ADAMTS12: variants seen among roughly 807,000 people sequenced by gnomAD.
The protein encoded by ADAMTS12 is A disintegrin and metalloproteinase with thrombospondin motifs 12.
Under a neutral mutation model 167.8 loss-of-function variants are expected in ADAMTS12, and 118 were observed. The ratio of observed to expected loss-of-function variants is 0.70; its 90% CI spans 0.61 to 0.82. The LOEUF is 0.82. Ranked by LOEUF, ADAMTS12 falls within the 40% of genes least tolerant of loss-of-function variation. The pLI is 0.00. For synonymous variants in ADAMTS12, 704 were observed against 716.9 expected (o/e 0.98, Z 0.29); for missense variants, 1,916 against 1,998.8 (o/e 0.96, Z 0.79).
At chr5:33,727,830 A>C (rs977106799) in intron 3 of ADAMTS12, among the ~76,000 whole-genome samples, 1 of 152,160 alleles carries the variant, frequency 6.6e-6, no homozygotes, top group Non-Finnish European at 1.5e-5. Flanking sequence ...CCTGGTATTT[A>C]TCGGTTTGCC....
intron 2 of ADAMTS12, among the ~76,000 whole-genome samples, chr5:33,842,206 T>A (rs1304022708): frequency 1.3e-5 from 2 of 152,234 alleles, no homozygotes; most frequent in Non-Finnish European, 2.9e-5. Flanking sequence ...CATCTGTAAC[T>A]CATAAGAGAA....
chr5:33,577,013 GT>G lies in ADAMTS12; in HGVS notation c.3012del (p.Lys1004AsnfsTer16). 6.2e-7 allele frequency: 1 copy of G among 1,614,170 alleles called. No homozygotes were observed. Among genetic ancestry groups the G allele is most frequent in the Non-Finnish European group, 8.5e-7 (1 of 1,180,024 alleles). Reference protein sequence around the residue: ...QQCPSSRRVLKPNKGTISNGK... With the variant: ...QQCPSSRRVLXPNKGTISNGK... ...CCATTGGAAATAGTGCCTTTGTTTG[GT>G]TTCAGAACTCTCCGGCTAGAAGGGC... On this transcript the variant is annotated frameshift_variant, in exon 19 of 24. Coordinates refer to ENST00000504830, the MANE Select transcript of ADAMTS12 (RefSeq NM_030955.4). LOFTEE classifies it high-confidence loss of function.
At position 33,559,787 on chromosome 5, in the gene ADAMTS12, C is replaced by T. The variant is rs10036051; in HGVS notation, c.4125+1240G>A. On this transcript the variant is annotated intron_variant, in intron 20 of 23. Transcript: ENST00000504830. ...TCCCAGCTACCCGGAGGTTAAGGCA[C>T]GAGAATCGCTTGAACCCGGGAGGCA... 6.9e-3 allele frequency among the ~76,000 whole-genome samples: 1,053 copies of T among 152,044 alleles called. 12 individuals are homozygous for T. Among genetic ancestry groups the T allele is most frequent in the African/African-American group, 0.024 (984 of 41,454 alleles).
intron 2 of ADAMTS12, among the ~76,000 whole-genome samples, chr5:33,842,198 T>C (rs1451258386): frequency 6.6e-6 from 1 of 152,220 alleles, no homozygotes; most frequent in African/African-American, 2.4e-5. Context: ...GAAACGTTCA[T>C]CTGTAACTCA....
At chr5:33,643,527 A>C (rs903258148) in intron 9 of ADAMTS12, 57 bp from the exon 10 acceptor site, 1 of 1,510,100 alleles carries the variant, frequency 6.6e-7, no homozygotes, top group African/African-American at 1.4e-5. Flanking sequence ...AAGCATTTCT[A>C]TAGTTACAGT....
At chr5:33,838,018 T>C (rs1420978067) in intron 2 of ADAMTS12, among the ~76,000 whole-genome samples, 2 of 152,152 alleles carry the variant, frequency 1.3e-5, no homozygotes, top group African/African-American at 4.8e-5. Context: ...ATATTTTTTT[T>C]TAGTGAGAAC....
In ADAMTS12 at chr5:33,601,601, T is replaced by A. The variant is rs142385421; in HGVS notation, c.2528-5541A>T. Among the ~76,000 whole-genome samples the A allele has an allele frequency of 2.4e-3, 358 of 152,340 alleles. 2 individuals are homozygous for A. The highest frequency in any genetic ancestry group is 8.1e-3 in the African/African-American group (338 of 41,584). On this transcript the variant is annotated intron_variant, in intron 16 of 23. Coordinates refer to ENST00000504830, the MANE Select transcript of ADAMTS12 (RefSeq NM_030955.4). The stretch of plus-strand genomic sequence containing the variant: ...TACTTCTGTGATGTAAACTCCTTCC[T>A]ACAAACAACTAGACCCTTGTTACAC...
chr5:33,651,103 T>C (rs765364698), intron 7 of ADAMTS12, among the ~76,000 whole-genome samples: 1 of 152,166 alleles, frequency 6.6e-6, no homozygotes, highest in Non-Finnish European at 1.5e-5. Context: ...ACAAAGCTCT[T>C]ACCACACACC....
chr5:33,821,921 A>T (rs1385666613), intron 2 of ADAMTS12, among the ~76,000 whole-genome samples: 1 of 152,182 alleles, frequency 6.6e-6, no homozygotes, highest in East Asian at 1.9e-4. Context: ...TGAATTTTAG[A>T]TTTCCTGAAA....
At chr5:33,734,753 G>T (rs971561007) in intron 3 of ADAMTS12, among the ~76,000 whole-genome samples, 4 of 152,306 alleles carry the variant, frequency 2.6e-5, no homozygotes, top group South Asian at 2.1e-4. Context: ...AACGGTGGGT[G>T]GGGGAGGAGG....
chr5:33,594,257 T>TA (rs1418088499), intron 17 of ADAMTS12, among the ~76,000 whole-genome samples: 2 of 152,208 alleles, frequency 1.3e-5, no homozygotes, highest in Non-Finnish European at 2.9e-5. Context: ...TGTAGCCACA[T>TA]AAGACATGCC....
At chr5:33,679,685 G>T (rs911923356) in intron 5 of ADAMTS12, among the ~76,000 whole-genome samples, 4 of 152,110 alleles carry the variant, frequency 2.6e-5, no homozygotes, top group Admixed American at 2.0e-4. Context: ...ATCTCAACTT[G>T]AAATGTGCTA....
Position 33,525,710 on chromosome 5 carries a change from G to A in ADAMTS12, c.*1478C>T, listed in dbSNP as rs1435865566. The A allele has an allele frequency of 6.6e-6, 1 of 152,166 alleles. No individual in the cohort carries two copies. The highest frequency in any genetic ancestry group is 1.9e-4 in the East Asian group (1 of 5,200). 9.4% of individuals were successfully genotyped at this position (152,166 alleles called of 1,614,324 possible). On this transcript the variant is annotated 3_prime_UTR_variant, in exon 24 of 24. Transcript: ENST00000504830. ...CATGAGGAGTATTAAGTGTATCTGT[G>A]CATGAGTCAGAAAATATGCTGCCCA... is the stretch of plus-strand genomic sequence containing the variant.
intron 22 of ADAMTS12, 89 bp downstream of exon 22, chr5:33,545,970 C>G: frequency 2.7e-6 from 4 of 1,474,732 alleles, no homozygotes; most frequent in Non-Finnish European, 3.6e-6. Context: ...TGTAACAAAC[C>G]TGCACGTTGT....
intron 2 of ADAMTS12, among the ~76,000 whole-genome samples, chr5:33,774,972 C>T (rs117173477): frequency 2.6e-5 from 4 of 152,148 alleles, no homozygotes; most frequent in East Asian, 1.9e-4. Context: ...GGGATGAATG[C>T]GGTAAAAATA....
chr5:33,722,523 CT>C (rs1429659679), intron 3 of ADAMTS12, among the ~76,000 whole-genome samples: 1 of 152,162 alleles, frequency 6.6e-6, no homozygotes, highest in East Asian at 1.9e-4. Flanking sequence ...AGAGGTGAGG[CT>C]GAAATGTGAA....
chr5:33,689,282 A>T (rs1430702194), intron 3 of ADAMTS12, among the ~76,000 whole-genome samples: 1 of 152,240 alleles, frequency 6.6e-6, no homozygotes, highest in Non-Finnish European at 1.5e-5. Flanking sequence ...ATAGCCAGTA[A>T]GCAGCAGGAC....
At chr5:33,678,919 G>C (rs1742013822) in intron 5 of ADAMTS12, among the ~76,000 whole-genome samples, 1 of 152,142 alleles carries the variant, frequency 6.6e-6, no homozygotes, top group Admixed American at 6.5e-5. Context: ...GATATAAATG[G>C]AGATGGTCAG....
chr5:33,709,845 AG>A (rs769043204), intron 3 of ADAMTS12, among the ~76,000 whole-genome samples: 3 of 152,218 alleles, frequency 2.0e-5, no homozygotes, highest in Non-Finnish European at 2.9e-5. Context: ...CATGTATTCC[AG>A]AAATTAAAAT....
Sources: allele counts gnomAD v4.1 joint callset (sites outside exome capture counted in the v4.1 genomes callset), GRCh38; gene constraint gnomAD v4.1.1; transcripts MANE v1.5; gene names NCBI Gene and HGNC (gene_info 2026-07-23, HGNC 2026-07-21).